The following ADGRL3 variants were observed in gnomAD, a reference collection of about 807,000 sequenced individuals.
ADGRL3 encodes calcium-independent alpha-latrotoxin receptor 3.
ADGRL3 carries 62 observed loss-of-function variants against 153.5 expected under a neutral mutation model. That is an observed-to-expected ratio of 0.40 (90% confidence interval 0.33 to 0.50). The LOEUF is 0.50. Ranked by LOEUF, ADGRL3 falls within the 20% of genes least tolerant of loss-of-function variation. The pLI, the probability that ADGRL3 is intolerant of heterozygous loss-of-function variation, is 0.47. For synonymous variants in ADGRL3, 710 were observed against 672.5 expected, an observed-to-expected ratio of 1.06 and a Z score of -0.86; for missense variants, 1,641 against 1,859.4, an observed-to-expected ratio of 0.88 and a Z score of 2.16.
chr4:61,817,319 G>T (rs1270309079), intron 9 of ADGRL3, among the ~76,000 whole-genome samples: 1 of 152,218 alleles, frequency 6.6e-6, no homozygotes, highest in Non-Finnish European at 1.5e-5. Context: ...TCTGGATGGA[G>T]TCTGTGGCCT....
intron 9 of ADGRL3, among the ~76,000 whole-genome samples, chr4:61,822,096 G>T (rs1484681915): frequency 6.6e-6 from 1 of 152,158 alleles, no homozygotes; most frequent in Admixed American, 6.5e-5. Flanking sequence ...ATTACAGGGG[G>T]AGGGAACATA....
chr4:62,008,557 AC>A (rs1358446058), intron 21 of ADGRL3, among the ~76,000 whole-genome samples: 2 of 151,970 alleles, frequency 1.3e-5, no homozygotes, highest in African/African-American at 2.4e-5. Flanking sequence ...GTGTTGAAAA[AC>A]GTTTATCTAC....
At chr4:61,955,880 G>A (rs1002210588) in intron 17 of ADGRL3, among the ~76,000 whole-genome samples, 8 of 152,064 alleles carry the variant, frequency 5.3e-5, no homozygotes, top group Non-Finnish European at 1.0e-4. Flanking sequence ...TCCTTTTTAT[G>A]GCTGCATAGT....
intron 2 of ADGRL3, among the ~76,000 whole-genome samples, chr4:61,445,296 A>G (rs989545573): frequency 1.3e-5 from 2 of 152,176 alleles, no homozygotes; most frequent in Non-Finnish European, 2.9e-5. Context: ...TGCCTAATAT[A>G]AAAGAAACCC....
intron 1 of ADGRL3, among the ~76,000 whole-genome samples, chr4:61,224,302 T>G (rs1746947344): frequency 6.6e-6 from 1 of 152,202 alleles, no homozygotes; most frequent in Non-Finnish European, 1.5e-5. Context: ...GGGTCTTTAT[T>G]GCCGTTAAAT....
intron 25 of ADGRL3, among the ~76,000 whole-genome samples, chr4:62,053,938 T>C (rs1735618323): frequency 6.6e-6 from 1 of 151,592 alleles, no homozygotes; most frequent in Non-Finnish European, 1.5e-5. Flanking sequence ...ATTAATAATA[T>C]GTTCATTTGT....
chr4:61,287,661 G>T (rs545566909), intron 1 of ADGRL3, among the ~76,000 whole-genome samples: 1 of 151,986 alleles, frequency 6.6e-6, no homozygotes, highest in East Asian at 1.9e-4. Flanking sequence ...CCTCCCTGTT[G>T]TGTTTTATAA....
At chr4:61,716,062 G>T (rs542157049) in intron 6 of ADGRL3, among the ~76,000 whole-genome samples, 13 of 149,736 alleles carry the variant, frequency 8.7e-5, no homozygotes. Flanking sequence ...GACTAAATTT[G>T]CCTGTATTTT....
rs552970785 is a variant in ADGRL3 at position 62,075,688 on chromosome 4, G to A, written c.*4780G>A. 1.9e-4 allele frequency: 29 copies of A among 152,104 alleles called. No individual in the cohort carries two copies. The highest frequency in any genetic ancestry group is 7.0e-4 in the African/African-American group (29 of 41,510). The allele number at this position is 152,104 out of a possible 1,614,324, so 9.4% of individuals were successfully genotyped here. On this transcript the variant is annotated 3_prime_UTR_variant, in exon 27 of 27. Transcript: ENST00000683033. ...AGATTTCTGCACATCATTAAATTAC[G>A]AAGATGGCACAAAAGCAAAGCAGCA...
chr4:61,896,191 T>C (rs1376618383), intron 11 of ADGRL3, among the ~76,000 whole-genome samples: 1 of 152,214 alleles, frequency 6.6e-6, no homozygotes, highest in African/African-American at 2.4e-5. Flanking sequence ...TTTCAAAGTC[T>C]ACCTTTGGAA....
chr4:61,468,757 G>A (rs947684550), intron 2 of ADGRL3, among the ~76,000 whole-genome samples: 1 of 151,970 alleles, frequency 6.6e-6, no homozygotes, highest in Non-Finnish European at 1.5e-5. Context: ...CATAAAGAGA[G>A]TGAATGTTGT....
chr4:61,599,466 G>A (rs953882506), intron 5 of ADGRL3, among the ~76,000 whole-genome samples: 7 of 152,302 alleles, frequency 4.6e-5, no homozygotes, highest in African/African-American at 1.7e-4. Context: ...CTGAGTAGCT[G>A]GGATTACAGG....
intron 1 of ADGRL3, among the ~76,000 whole-genome samples, chr4:61,292,670 G>A (rs1354218506): frequency 6.6e-6 from 1 of 152,074 alleles, no homozygotes; most frequent in African/African-American, 2.4e-5. Flanking sequence ...GTCTTTCTTT[G>A]TCAATACCAA....
intron 15 of ADGRL3, among the ~76,000 whole-genome samples, chr4:61,938,954 C>T (rs1581550792): frequency 1.3e-5 from 2 of 150,034 alleles, no homozygotes; most frequent in Non-Finnish European, 3.0e-5. Flanking sequence ...TAAGGTTCAG[C>T]GATAGGGACT....
chr4:61,206,212 G>C (rs1438899665), intron 1 of ADGRL3, among the ~76,000 whole-genome samples: 2 of 152,138 alleles, frequency 1.3e-5, no homozygotes, highest in African/African-American at 4.8e-5. Context: ...TCATAAAAGT[G>C]ATTACAAATA....
intron 6 of ADGRL3, among the ~76,000 whole-genome samples, chr4:61,702,579 C>T (rs2095787417): frequency 1.3e-5 from 2 of 152,060 alleles, no homozygotes; most frequent in Admixed American, 6.6e-5. Context: ...GTGTGAATTT[C>T]AGGTTTTACT....
At chr4:61,541,175 C>T (rs1908438) in intron 4 of ADGRL3, among the ~76,000 whole-genome samples, 1 of 151,704 alleles carries the variant, frequency 6.6e-6, no homozygotes, top group Non-Finnish European at 1.5e-5. Context: ...GTGGCCCCAG[C>T]GGCAAATAAA....
intron 1 of ADGRL3, among the ~76,000 whole-genome samples, chr4:61,328,801 C>T (rs922708067): frequency 1.6e-4 from 24 of 151,974 alleles, no homozygotes; most frequent in Non-Finnish European, 2.5e-4. Context: ...CATTTGGTTT[C>T]GTTTGTTTAT....
Position 61,202,294 on chromosome 4 carries a change from T to G in ADGRL3, c.-240+529T>G, listed in dbSNP as rs1468808227. On this transcript the variant is annotated intron_variant, in intron 1 of 26. Coordinates refer to ENST00000683033, the MANE Select transcript of ADGRL3 (RefSeq NM_001387552.1). This position sits in a 1 kb window ranked among gnomAD's most constrained non-coding sequence, Gnocchi z 5.0. ...GTGCCGAGCCCGGCGCGATTCTCCCTCAACGCTTGCCTGGAGCATCCCTGG... is the reference window on the plus strand; with the variant it reads ...GTGCCGAGCCCGGCGCGATTCTCCCGCAACGCTTGCCTGGAGCATCCCTGG... The G allele has an allele frequency of 1.3e-5, 2 of 152,488 alleles. No individual in the cohort carries two copies. The highest frequency in any genetic ancestry group is 2.9e-5 in the Non-Finnish European group (2 of 68,322). The allele number at this position is 152,488 out of a possible 1,614,324, so 9.4% of individuals were successfully genotyped here.
Sources: gnomAD v4.1 joint callset for allele counts (sites outside exome capture counted in the v4.1 genomes callset) on GRCh38, gnomAD v4.1.1 for gene constraint, Gnocchi (gnomAD v3.1) non-coding constraint, MANE v1.5 for transcripts, NCBI Gene and HGNC (gene_info 2026-07-23, HGNC 2026-07-21) for gene names.